Variants in TESK2 observed in about 807,000 individuals in gnomAD.
TESK2 encodes dual specificity testis-specific protein kinase 2.
A neutral mutation model predicts 57.1 loss-of-function variants in TESK2; 39 were observed. The ratio of observed to expected loss-of-function variants is 0.68; its 90% CI spans 0.53 to 0.89. The LOEUF is 0.89. Ranked by LOEUF, TESK2 falls within the 40% of genes least tolerant of loss-of-function variation. The pLI is 0.00. For missense variants in TESK2, 646 were observed against 732.1 expected (o/e 0.88, Z 1.36); for synonymous variants, 249 against 267.9 (o/e 0.93, Z 0.69).
At chr1:45,365,468 GC>G (rs1647873364) in intron 4 of TESK2, among the ~76,000 whole-genome samples, 1 of 151,952 alleles carries the variant, frequency 6.6e-6, no homozygotes, top group African/African-American at 2.4e-5. Flanking sequence ...CTTCTTCATA[GC>G]TTTGCTAATT....
At chr1:45,476,875 A>G (rs1232373460) in intron 1 of TESK2, among the ~76,000 whole-genome samples, 1 of 151,520 alleles carries the variant, frequency 6.6e-6, no homozygotes, top group Admixed American at 6.6e-5. Context: ...AGCCAGGCAC[A>G]GTCACTCATG....
chr1:45,384,415 CTAT>C (rs1648792889), intron 4 of TESK2, among the ~76,000 whole-genome samples: 2 of 151,054 alleles, frequency 1.3e-5, no homozygotes, highest in Non-Finnish European at 2.9e-5. Flanking sequence ...ATCTATCTAT[CTAT>C]CTATCTATCT....
At chr1:45,486,574 G>A (rs1653483477) in intron 1 of TESK2, among the ~76,000 whole-genome samples, 1 of 151,530 alleles carries the variant, frequency 6.6e-6, no homozygotes, top group Non-Finnish European at 1.5e-5. Flanking sequence ...TCAGGAGGCT[G>A]AGGGGCAGGA....
In TESK2 at chr1:45,385,976, G is replaced by A; in HGVS notation, c.345-16C>T. 1 of 1,590,164 alleles carries A rather than the reference G, an allele frequency of 6.3e-7. No homozygotes were observed. Among genetic ancestry groups the A allele is most frequent in the Non-Finnish European group, 8.6e-7 (1 of 1,163,028 alleles). On this transcript the variant is annotated splice_polypyrimidine_tract_variant and intron_variant, in intron 3 of 10. Coordinates refer to ENST00000372086, the MANE Select transcript of TESK2 (RefSeq NM_007170.3). ...ACCCATGAACCTAAAGAACAAGACA[G>A]AATTATTTAACAAGTGAAAAGGACA...
chr1:45,355,566 G>T, intron 4 of TESK2, 117 bp from the exon 5 acceptor site: 1 of 1,198,808 alleles, frequency 8.3e-7, no homozygotes, highest in Non-Finnish European at 1.1e-6. Context: ...TTAAGTTACT[G>T]AGGGCTTATT....
chr1:45,387,921 C>T (rs925477946), intron 3 of TESK2, among the ~76,000 whole-genome samples: 1 of 152,154 alleles, frequency 6.6e-6, no homozygotes. Context: ...GCAGGAAAAT[C>T]ACTTGAACCC....
chr1:45,349,475 C>T lies in TESK2; in HGVS notation c.541-1475G>A, dbSNP rs140455395. On this transcript the variant is annotated intron_variant, in intron 5 of 10. Transcript: ENST00000372086. ...TAGCCAAAGCCCCAGCTATAGGGCA[C>T]CAGCCTGTGAGGCAGTGGCAGCTCA... is the stretch of plus-strand genomic sequence containing the variant. Among the ~76,000 whole-genome samples, 64 of 152,274 alleles carry T rather than the reference C, an allele frequency of 4.2e-4. No individual in the cohort carries two copies. The East Asian group carries it at 6.4e-3, about 15-fold the overall frequency.
In TESK2 at chr1:45,475,426, C is replaced by T. The variant is rs192325097; in HGVS notation, c.-87+15426G>A. On this transcript the variant is annotated intron_variant, in intron 1 of 10. Transcript: ENST00000372086. ...TTCATCATGCTAGCCAGACTGGTCTCGAACTCTTGACCTCAGGTGATCCAC... is the reference window on the plus strand; with the variant it reads ...TTCATCATGCTAGCCAGACTGGTCTTGAACTCTTGACCTCAGGTGATCCAC... 3.8e-4 allele frequency among the ~76,000 whole-genome samples: 58 copies of T among 152,092 alleles called. No homozygotes were observed. The East Asian group carries it at 5.2e-3, about 14-fold the overall frequency.
chr1:45,459,300 GA>G (rs199990480), intron 1 of TESK2, among the ~76,000 whole-genome samples: 2 of 150,184 alleles, frequency 1.3e-5, no homozygotes, highest in Non-Finnish European at 3.0e-5. Flanking sequence ...AATTTTCAAA[GA>G]AAAAAAAAGG....
chr1:45,356,491 G>T (rs772362605), intron 4 of TESK2, among the ~76,000 whole-genome samples: 12 of 152,040 alleles, frequency 7.9e-5, no homozygotes, highest in South Asian at 6.2e-4. Flanking sequence ...AGCTGGACGT[G>T]ATGGTGCACA....
At chr1:45,476,011 CACTGGCT>C (rs1441077977) in intron 1 of TESK2, among the ~76,000 whole-genome samples, 7 of 152,158 alleles carry the variant, frequency 4.6e-5, no homozygotes, top group Non-Finnish European at 7.3e-5. Flanking sequence ...ACTGATTTGT[CACTGGCT>C]TCCTTGCTCC....
chr1:45,354,573 C>A (rs1473330497), intron 5 of TESK2, among the ~76,000 whole-genome samples: 2 of 151,372 alleles, frequency 1.3e-5, no homozygotes, highest in Non-Finnish European at 2.9e-5. Flanking sequence ...TTGCAGTGAG[C>A]CAAGATCACT....
rs771605312 is a variant in TESK2, at chr1:45,345,063, G to A, written c.1493C>T (p.Pro498Leu). 4.3e-6 allele frequency: 7 copies of A among 1,614,244 alleles called. No individual in the cohort carries two copies. The highest frequency in any genetic ancestry group is 3.3e-5 in the Admixed American group (2 of 60,036). ...AGCTGGTAGGGCAGATGCCCGGAAT[G>A]GTGGGATCTCTTTAACTCTGTACTT... is the stretch of plus-strand genomic sequence containing the variant. ...SLKYRVKEIP[P>L]FRASALPAAQ... Residue 498 changes from proline to leucine, a missense_variant, in exon 11 of 11, where the codon CCA (proline) becomes CTA (leucine). Transcript: ENST00000372086.
chr1:45,345,533 C>T lies in TESK2; in HGVS notation c.1023G>A (p.Val341=), dbSNP rs1228478051. The change falls in exon 11 of 11, where the codon GTG becomes GTA. Residue 341 remains valine, a synonymous_variant. Transcript: ENST00000372086. ...TGTCATCCAGTGAGCTTAGTCGCTTCACCCCAGGTGCTTTCTCCAAGAGTC... is the reference window on the plus strand; with the variant it reads ...TGTCATCCAGTGAGCTTAGTCGCTTTACCCCAGGTGCTTTCTCCAAGAGTC... ...ARGLLEKAPG[V]KRLSSLDDKI... The T allele has an allele frequency of 2.5e-6, 4 of 1,613,930 alleles. No individual in the cohort carries two copies. Among genetic ancestry groups the T allele is most frequent in the African/African-American group, 1.3e-5 (1 of 75,024 alleles).
chr1:45,345,497 G>A lies in TESK2; in HGVS notation c.1059C>T (p.His353=). Reference sequence around the variant, plus strand: ...TGGTACGTCTTGGGCATGGTGACTTGTGGGGGATCTTGTCATCCAGTGAGC... The same window carrying A: ...TGGTACGTCTTGGGCATGGTGACTTATGGGGGATCTTGTCATCCAGTGAGC... ...RLSSLDDKIP[H]KSPCPRRTIW... is the part of the protein sequence containing the mutation. The change falls in exon 11 of 11, where the codon CAC becomes CAT. Residue 353 remains histidine (H), a synonymous_variant. Coordinates refer to ENST00000372086, the MANE Select transcript of TESK2 (RefSeq NM_007170.3). The A allele has an allele frequency of 6.2e-7, 1 of 1,614,150 alleles. No individual in the cohort carries two copies. Among genetic ancestry groups the A allele is most frequent in the Non-Finnish European group, 8.5e-7 (1 of 1,180,030 alleles).
At chr1:45,465,402 C>A (rs1415997646) in intron 1 of TESK2, among the ~76,000 whole-genome samples, 9 of 126,666 alleles carry the variant, frequency 7.1e-5, no homozygotes, top group African/African-American at 2.6e-4. Flanking sequence ...CAGAGTGAGA[C>A]TCCAAAAAAG....
chr1:45,351,573 G>A (rs1427196121), intron 5 of TESK2, among the ~76,000 whole-genome samples: 2 of 152,212 alleles, frequency 1.3e-5, no homozygotes, highest in African/African-American at 4.8e-5. Context: ...CTCTGTCCTG[G>A]TTTACCCACT....
At chr1:45,462,271 CTCTT>C (rs746690417) in intron 1 of TESK2, among the ~76,000 whole-genome samples, 3 of 151,704 alleles carry the variant, frequency 2.0e-5, no homozygotes, top group Non-Finnish European at 4.4e-5. Context: ...AAAAAGGGAT[CTCTT>C]TTTTTTTTTA....
At chr1:45,356,616 C>CT (rs1166136519) in intron 4 of TESK2, among the ~76,000 whole-genome samples, 2 of 106,968 alleles carry the variant, frequency 1.9e-5, no homozygotes, top group South Asian at 2.8e-4. Flanking sequence ...GAGACCCTGT[C>CT]TTAAAAAAAA....
Sources: gnomAD v4.1 joint callset for allele counts (sites outside exome capture counted in the v4.1 genomes callset) on GRCh38, gnomAD v4.1.1 for gene constraint, MANE v1.5 for transcripts, NCBI Gene and HGNC (gene_info 2026-07-23, HGNC 2026-07-21) for gene names.